Variants in TSPAN12 observed in about 807,000 individuals in gnomAD.
TSPAN12 encodes the protein tetraspanin-12.
TSPAN12 carries 19 observed loss-of-function variants against 39.2 expected under a neutral mutation model. The observed-to-expected ratio is 0.49, with a 90% CI of 0.34 to 0.71. The LOEUF (loss-of-function observed/expected upper bound fraction) is 0.71, where lower values mean the gene tolerates loss of function less well. Ranked by LOEUF, TSPAN12 falls within the 30% of genes least tolerant of loss-of-function variation. TSPAN12 has a pLI of 0.01. For missense variants in TSPAN12, 314 were observed against 359.9 expected (o/e 0.87, Z 1.03); for synonymous variants, 119 against 124.8 (o/e 0.95, Z 0.31).
intron 4 of TSPAN12, among the ~76,000 whole-genome samples, chr7:120,824,593 G>A (rs904760808): frequency 6.6e-6 from 1 of 152,060 alleles, no homozygotes; most frequent in Non-Finnish European, 1.5e-5. Context: ...TTGTTTGTTT[G>A]TATTCTATTG....
chr7:120,810,055 C>T (rs1055338530), intron 6 of TSPAN12, among the ~76,000 whole-genome samples: 1 of 152,180 alleles, frequency 6.6e-6, no homozygotes, highest in East Asian at 1.9e-4. Context: ...GATATACTGA[C>T]TTCAAAGTCC....
chr7:120,855,317 C>T (rs1794850665), intron 2 of TSPAN12, among the ~76,000 whole-genome samples: 1 of 152,176 alleles, frequency 6.6e-6, no homozygotes, highest in South Asian at 2.1e-4. Context: ...TTTCCTCACT[C>T]ACAAAGGAAG....
intron 2 of TSPAN12, among the ~76,000 whole-genome samples, chr7:120,855,924 G>C (rs1794861161): frequency 1.3e-5 from 2 of 152,284 alleles, no homozygotes; most frequent in South Asian, 4.1e-4. Context: ...AAGAATGGCA[G>C]CCTCCTGAAG....
At chr7:120,855,377 T>C (rs1794851808) in intron 2 of TSPAN12, among the ~76,000 whole-genome samples, 1 of 152,232 alleles carries the variant, frequency 6.6e-6, no homozygotes, top group Non-Finnish European at 1.5e-5. Context: ...TGGAATGTGA[T>C]GATTCTATAA....
intron 2 of TSPAN12, among the ~76,000 whole-genome samples, chr7:120,846,781 G>A (rs977106657): frequency 2.6e-5 from 4 of 152,174 alleles, no homozygotes; most frequent in East Asian, 1.9e-4. Flanking sequence ...TGTAACAAGC[G>A]CTGAGAAGAC....
Position 120,810,460 on chromosome 7 carries a change from T to C in TSPAN12, c.468+3A>G, listed in dbSNP as rs907583988. On this transcript the variant is annotated splice_donor_region_variant and intron_variant, in intron 6 of 7. Transcript: ENST00000222747. Reference sequence around the variant, plus strand: ...TCTCTACCTCAGAAATTGTAGCACTTACCTCTCTCTGAAAAAAATTCCAAG... The same window carrying C: ...TCTCTACCTCAGAAATTGTAGCACTCACCTCTCTCTGAAAAAAATTCCAAG... 1 of 1,583,452 alleles carries C rather than the reference T, an allele frequency of 6.3e-7. No individual in the cohort carries two copies. Among genetic ancestry groups the C allele is most frequent in the Non-Finnish European group, 8.7e-7 (1 of 1,152,268 alleles).
chr7:120,810,362 T>C, intron 6 of TSPAN12, 101 bp downstream of exon 6: 1 of 799,288 alleles, frequency 1.3e-6, no homozygotes, highest in South Asian at 1.4e-5. Flanking sequence ...AGGCTTAATT[T>C]TTCAGCACAG....
At chr7:120,810,160 G>A (rs1793951085) in intron 6 of TSPAN12, among the ~76,000 whole-genome samples, 1 of 152,044 alleles carries the variant, frequency 6.6e-6, no homozygotes, top group Non-Finnish European at 1.5e-5. Context: ...CTGGAACTTG[G>A]ATATTTATCA....
At chr7:120,831,540 A>G (rs1405142747) in intron 4 of TSPAN12, among the ~76,000 whole-genome samples, 2 of 152,096 alleles carry the variant, frequency 1.3e-5, no homozygotes, top group Non-Finnish European at 2.9e-5. Context: ...GAAATAAGCC[A>G]GCACAGAAAG....
chr7:120,856,672 C>A, intron 2 of TSPAN12, 26 bp downstream of exon 2: 1 of 1,613,726 alleles, frequency 6.2e-7, no homozygotes, highest in Admixed American at 1.7e-5. Context: ...CCGTTCCCAC[C>A]TGTTGGTGCA....
chr7:120,834,010 T>G (rs561860923), intron 4 of TSPAN12, among the ~76,000 whole-genome samples: 39 of 152,274 alleles, frequency 2.6e-4, no homozygotes, highest in African/African-American at 7.9e-4. Context: ...GTTTCTTTTC[T>G]TAGTCATTTT....
intron 4 of TSPAN12, among the ~76,000 whole-genome samples, chr7:120,830,868 A>T (rs1242249055): frequency 6.6e-6 from 1 of 152,156 alleles, no homozygotes; most frequent in African/African-American, 2.4e-5. Context: ...ATTGATTAGG[A>T]GAAAATATTT....
chr7:120,826,420 A>G (rs555625308), intron 4 of TSPAN12, among the ~76,000 whole-genome samples: 1 of 152,320 alleles, frequency 6.6e-6, no homozygotes, highest in South Asian at 2.1e-4. Context: ...TAAGTCAGCT[A>G]AAGTGTGCAA....
In TSPAN12 at chr7:120,788,663, G is replaced by A. The variant is rs779540184; in HGVS notation, c.847C>T (p.Leu283=). ...GATGTGTGTTCAAAGATTCTTGACAGGCTTGGTTTCAACAGTTCTACTGAG... is the reference window on the plus strand; with the variant it reads ...GATGTGTGTTCAAAGATTCTTGACAAGCTTGGTTTCAACAGTTCTACTGAG... ...CPSVELLKPS[L]SRIFEHTSMA... Residue 283 remains leucine (L), a synonymous_variant, in exon 8 of 8, where the codon CTG becomes TTG. Transcript: ENST00000222747. The A allele has an allele frequency of 1.9e-6, 3 of 1,613,988 alleles. No individual in the cohort carries two copies. In the African/African-American group the frequency reaches 4.0e-5, roughly 22 times the overall value.
At chr7:120,851,485 T>C (rs1794767811) in intron 2 of TSPAN12, among the ~76,000 whole-genome samples, 1 of 152,106 alleles carries the variant, frequency 6.6e-6, no homozygotes, top group African/African-American at 2.4e-5. Context: ...TTTAGAAAAT[T>C]AGAAACAAAC....
intron 4 of TSPAN12, 81 bp from the exon 5 acceptor site, chr7:120,815,884 C>T (rs1219491599): frequency 3.1e-6 from 4 of 1,292,044 alleles, no homozygotes; most frequent in Middle Eastern, 1.9e-4. Context: ...ATTATGTTTA[C>T]CTAGTGACCA....
At chr7:120,800,938 C>T (rs1722226314) in intron 7 of TSPAN12, among the ~76,000 whole-genome samples, 1 of 151,708 alleles carries the variant, frequency 6.6e-6, no homozygotes, top group African/African-American at 2.4e-5. Flanking sequence ...TACACACATG[C>T]ACCACAGCGT....
intron 2 of TSPAN12, among the ~76,000 whole-genome samples, chr7:120,844,458 CA>C (rs1794635548): frequency 6.6e-6 from 1 of 152,192 alleles, no homozygotes. Context: ...ACTGTAAAAT[CA>C]AAACCAGTTA....
chr7:120,808,616 T>C (rs963282703), intron 6 of TSPAN12, among the ~76,000 whole-genome samples: 2 of 152,142 alleles, frequency 1.3e-5, no homozygotes, highest in East Asian at 1.9e-4. Context: ...ATGCTCCAAC[T>C]ACTATGTTAA....
Sources: allele counts gnomAD v4.1 joint callset (sites outside exome capture counted in the v4.1 genomes callset), GRCh38; gene constraint gnomAD v4.1.1; transcripts MANE v1.5; gene names NCBI Gene and HGNC (gene_info 2026-07-23, HGNC 2026-07-21).